Variants in PELI1 observed in about 807,000 individuals in gnomAD.
PELI1 encodes pellino E3 ubiquitin protein ligase 1, also known as E3 ubiquitin-protein ligase pellino homolog 1.
PELI1 carries 15 observed loss-of-function variants against 41.3 expected under a neutral mutation model. The observed-to-expected ratio is 0.36, with a 90% CI of 0.24 to 0.56. The LOEUF (loss-of-function observed/expected upper bound fraction) is 0.56. Among genes scored for constraint, PELI1 ranks in the 20% least tolerant of loss-of-function variants. The pLI is 0.82. For synonymous variants in PELI1, 178 were observed against 180.1 expected (o/e 0.99, Z 0.09); for missense variants, 403 against 525.5 (o/e 0.77, Z 2.28).
At chr2:64,119,798 T>A (rs139531960) in intron 1 of PELI1, among the ~76,000 whole-genome samples, 46 of 152,314 alleles carry the variant, frequency 3.0e-4, no homozygotes, top group African/African-American at 9.9e-4. Context: ...ATTCTATAAA[T>A]GTCAGAAGTA....
intron 4 of PELI1, among the ~76,000 whole-genome samples, chr2:64,097,793 C>A (rs988074661): frequency 6.6e-6 from 1 of 152,118 alleles, no homozygotes; most frequent in Non-Finnish European, 1.5e-5. Flanking sequence ...TTCAGATAAA[C>A]CTCTTTAGTG....
rs181214371 is a variant in PELI1, at chr2:64,093,673, C to T, written c.*1029G>A. The T allele has an allele frequency of 2.6e-5, 4 of 152,606 alleles. No individual in the cohort carries two copies. Among genetic ancestry groups the T allele is most frequent in the Non-Finnish European group, 5.9e-5 (4 of 68,024 alleles). 9.5% of individuals were successfully genotyped at this position (152,606 alleles called of 1,614,324 possible). On this transcript the variant is annotated 3_prime_UTR_variant, in exon 7 of 7. Coordinates refer to ENST00000358912, the MANE Select transcript of PELI1 (RefSeq NM_020651.4). ...ACGGGGGCACTATTGTCATTCAACC[C>T]TTTAGATCTCTAGATTTCCTAATGC...
At chr2:64,099,544 G>C (rs577909239) in intron 4 of PELI1, among the ~76,000 whole-genome samples, 2 of 152,242 alleles carry the variant, frequency 1.3e-5, no homozygotes, top group African/African-American at 4.8e-5. Context: ...CTCATTAAAA[G>C]GGTTGGGCAG....
At chr2:64,121,438 G>A (rs1681206140) in intron 1 of PELI1, among the ~76,000 whole-genome samples, 1 of 152,054 alleles carries the variant, frequency 6.6e-6, no homozygotes. Flanking sequence ...GATATCAATA[G>A]TCCTTATATC....
chr2:64,128,836 T>C (rs1352108758), intron 1 of PELI1, among the ~76,000 whole-genome samples: 3 of 152,158 alleles, frequency 2.0e-5, no homozygotes, highest in Non-Finnish European at 4.4e-5. Context: ...AAAATGATTA[T>C]TTTTTCACTA....
At chr2:64,108,178 C>A in intron 2 of PELI1, 62 bp downstream of exon 2, 1 of 902,310 alleles carries the variant, frequency 1.1e-6, no homozygotes, top group Non-Finnish European at 1.8e-6. Context: ...TACTTTTAGC[C>A]TAGATGCCAA....
chr2:64,124,768 C>T (rs1299216498), intron 1 of PELI1, among the ~76,000 whole-genome samples: 1 of 152,182 alleles, frequency 6.6e-6, no homozygotes, highest in Non-Finnish European at 1.5e-5. Flanking sequence ...CCAATTCTGA[C>T]ACCAACTGGG....
intron 6 of PELI1, among the ~76,000 whole-genome samples, chr2:64,095,647 G>A (rs1680208419): frequency 6.6e-6 from 1 of 152,086 alleles, no homozygotes; most frequent in Non-Finnish European, 1.5e-5. Flanking sequence ...TATGACAGAA[G>A]AATGAACTTC....
chr2:64,127,298 G>C (rs189071748), intron 1 of PELI1, among the ~76,000 whole-genome samples: 1 of 152,178 alleles, frequency 6.6e-6, no homozygotes, highest in Non-Finnish European at 1.5e-5. Context: ...CAGAACTTTG[G>C]GAGGCCCAGG....
chr2:64,101,988 C>A (rs1461990434), intron 3 of PELI1, among the ~76,000 whole-genome samples: 1 of 151,932 alleles, frequency 6.6e-6, no homozygotes, highest in Non-Finnish European at 1.5e-5. Context: ...CCACCACGCC[C>A]GGCTAATTTT....
intron 1 of PELI1, among the ~76,000 whole-genome samples, chr2:64,119,944 C>A (rs907925454): frequency 2.0e-5 from 3 of 152,020 alleles, no homozygotes; most frequent in Non-Finnish European, 2.9e-5. Flanking sequence ...AAGAAAGAAG[C>A]CCCTTTAGCA....
intron 2 of PELI1, among the ~76,000 whole-genome samples, chr2:64,107,866 T>C (rs138325981): frequency 2.0e-3 from 310 of 152,184 alleles, no homozygotes; most frequent in African/African-American, 7.1e-3. Flanking sequence ...TTAGTAGAGA[T>C]GGGGTTTCAC....
At chr2:64,131,300 A>G (rs1295701751) in intron 1 of PELI1, among the ~76,000 whole-genome samples, 1 of 149,730 alleles carries the variant, frequency 6.7e-6, no homozygotes, top group East Asian at 1.9e-4. Flanking sequence ...AGTTCTAGCA[A>G]TTCATATATA....
chr2:64,099,081 T>C (rs1680335235), intron 4 of PELI1, among the ~76,000 whole-genome samples: 1 of 151,964 alleles, frequency 6.6e-6, no homozygotes, highest in African/African-American at 2.4e-5. Flanking sequence ...GTTAACCTCA[T>C]CTACAAAAGA....
At chr2:64,120,097 T>A (rs1681157365) in intron 1 of PELI1, among the ~76,000 whole-genome samples, 1 of 152,186 alleles carries the variant, frequency 6.6e-6, no homozygotes, top group Non-Finnish European at 1.5e-5. Context: ...TTAAAATAAA[T>A]TAGATACATT....
intron 1 of PELI1, among the ~76,000 whole-genome samples, chr2:64,128,272 T>A (rs1681452796): frequency 6.6e-6 from 1 of 152,134 alleles, no homozygotes; most frequent in East Asian, 1.9e-4. Flanking sequence ...GAGACTAATA[T>A]GAAATGTTCC....
intron 1 of PELI1, among the ~76,000 whole-genome samples, chr2:64,128,828 A>C (rs7581647): frequency 0.83 from 126,991 of 152,148 alleles, 53,558 homozygotes; most frequent in East Asian, 0.96. Flanking sequence ...TGTAAGTTAA[A>C]ATGATTATTT....
In PELI1 at chr2:64,140,796, A is replaced by C. The variant is rs576140389; in HGVS notation, c.-70+3285T>G. Among the ~76,000 whole-genome samples the C allele has an allele frequency of 3.8e-3, 531 of 140,094 alleles. 26 individuals carry two copies. Among genetic ancestry groups the C allele is most frequent in the South Asian group, 0.011 (48 of 4,426 alleles). The allele number at this position is 140,094 out of a possible 152,430, so 91.9% of individuals were successfully genotyped here. A position where few individuals can be genotyped will look rare whatever the true frequency, so the allele number is the denominator to read the frequency against. On this transcript the variant is annotated intron_variant, in intron 1 of 6. Coordinates refer to ENST00000358912, the MANE Select transcript of PELI1 (RefSeq NM_020651.4). ...TACTCAAGACAACATGCAAAAAAAA[A>C]AAACAAACAAACAAAAAAAAACCTA... is the stretch of plus-strand genomic sequence containing the variant.
At chr2:64,140,666 T>C (rs1291514806) in intron 1 of PELI1, among the ~76,000 whole-genome samples, 2 of 151,920 alleles carry the variant, frequency 1.3e-5, no homozygotes, top group African/African-American at 4.8e-5. Flanking sequence ...GTGCTTTCTC[T>C]TTATTACCTG....
Sources: allele counts gnomAD v4.1 joint callset (sites outside exome capture counted in the v4.1 genomes callset), GRCh38; gene constraint gnomAD v4.1.1; transcripts MANE v1.5; gene names NCBI Gene and HGNC (gene_info 2026-07-23, HGNC 2026-07-21).